SV2B: variants seen among roughly 807,000 people sequenced by gnomAD.
SV2B encodes the protein solute carrier family 22 member B2.
A neutral mutation model predicts 73.9 loss-of-function variants in SV2B; 41 were observed. That is an observed-to-expected ratio of 0.56 (90% CI 0.43 to 0.72). The LOEUF is 0.72. Among genes scored for constraint, SV2B ranks in the 30% least tolerant of loss-of-function variants. The pLI is 0.00. For missense variants in SV2B, 764 were observed against 857.8 expected, an observed-to-expected ratio of 0.89 and a Z score of 1.37; for synonymous variants, 314 against 314.2, an observed-to-expected ratio of 1.00 and a Z score of 0.01.
chr15:91,254,237 T>C (rs74399150), intron 4 of SV2B, among the ~76,000 whole-genome samples: 18,368 of 113,456 alleles, frequency 0.16, 1,273 homozygotes, highest in Middle Eastern at 0.19. Flanking sequence ...TTCACTTCTT[T>C]TTTTTTTTTT....
chr15:91,196,295 C>T (rs1286788919), intron 1 of SV2B, among the ~76,000 whole-genome samples: 2 of 152,184 alleles, frequency 1.3e-5, no homozygotes, highest in African/African-American at 4.8e-5. Context: ...GAGAGGGGCT[C>T]ATGTCTACAC....
In SV2B at chr15:91,187,119, G is replaced by C. The variant is rs147889430; in HGVS notation, c.-391-38754G>C. Among the ~76,000 whole-genome samples the C allele has an allele frequency of 2.0e-5, 3 of 152,242 alleles. No homozygotes were observed. In the East Asian group the frequency reaches 5.8e-4, roughly 29 times the overall value. ...AAACCGGCAGGCAGTAACATTTCAC[G>C]GGTGTTCATTCCTGGATGTGTGAAC... On this transcript the variant is annotated intron_variant, in intron 1 of 12. Transcript: ENST00000394232.
At position 91,288,791 on chromosome 15, in the gene SV2B, C is replaced by T. The variant is rs990036910; in HGVS notation, c.1709-730C>T. ...CTCCCAGCTTCAAATAATTCTCGTG[C>T]CTCAGCCTCCCAAGTAGCTGGGATT... On this transcript the variant is annotated intron_variant, in intron 11 of 12. Coordinates refer to ENST00000394232, the MANE Select transcript of SV2B (RefSeq NM_001323032.3). This position sits in a 1 kb window ranked among gnomAD's most constrained non-coding sequence, Gnocchi z 5.8. 6.6e-6 allele frequency among the ~76,000 whole-genome samples: 1 copy of T among 152,104 alleles called. No individual in the cohort carries two copies. The highest frequency in any genetic ancestry group is 2.4e-5 in the African/African-American group (1 of 41,388).
rs976009735 is a variant in SV2B at position 91,229,509 on chromosome 15, C to T, written c.451+2795C>T. Among the ~76,000 whole-genome samples, 1 of 152,100 alleles carries T rather than the reference C, an allele frequency of 6.6e-6. No individual in the cohort carries two copies. The highest frequency in any genetic ancestry group is 1.5e-5 in the Non-Finnish European group (1 of 68,012). Reference sequence around the variant, plus strand: ...ATGACGAAGCAACGTGGCCCTGGAGCCAGTTGCTTGGATTTGAATCCTTGC... The same window carrying T: ...ATGACGAAGCAACGTGGCCCTGGAGTCAGTTGCTTGGATTTGAATCCTTGC... On this transcript the variant is annotated intron_variant, in intron 2 of 12. Coordinates refer to ENST00000394232, the MANE Select transcript of SV2B (RefSeq NM_001323032.3). This position sits in a 1 kb window ranked among gnomAD's most constrained non-coding sequence, Gnocchi z 4.3.
chr15:91,120,811 C>CAAAAAAA (rs756474473), intron 1 of SV2B, among the ~76,000 whole-genome samples: 20 of 97,230 alleles, frequency 2.1e-4, no homozygotes, highest in South Asian at 3.6e-4. Flanking sequence ...GAACCTGTCT[C>CAAAAAAA]AAAAAAAAAA....
intron 1 of SV2B, among the ~76,000 whole-genome samples, chr15:91,114,183 CAAAAAAAAAAAAAAA>C (rs11372573): frequency 3.6e-5 from 2 of 55,962 alleles, no homozygotes; most frequent in East Asian, 2.4e-3. Context: ...GACTCCATCT[CAAAAAAAAAAAAAAA>C]AAAAAAAAAA....
At chr15:91,127,389 TC>T (rs2042516092) in intron 1 of SV2B, among the ~76,000 whole-genome samples, 1 of 151,830 alleles carries the variant, frequency 6.6e-6, no homozygotes, top group Admixed American at 6.6e-5. Flanking sequence ...GTGTGGCTGT[TC>T]CAGAACAAGC....
Position 91,258,627 on chromosome 15 carries a change from C to G in SV2B, c.918+73C>G. The G allele has an allele frequency of 1.0e-5, 16 of 1,600,380 alleles. No individual in the cohort carries two copies. The highest frequency in any genetic ancestry group is 1.3e-5 in the Non-Finnish European group (15 of 1,172,850). ...GGAACCCAGCCTCGCTTCCTTCTCTCAGCTCCTAGTCCCACATCCTCTGCT... is the reference window on the plus strand; with the variant it reads ...GGAACCCAGCCTCGCTTCCTTCTCTGAGCTCCTAGTCCCACATCCTCTGCT... On this transcript the variant is annotated intron_variant, in intron 5 of 12. Coordinates refer to ENST00000394232, the MANE Select transcript of SV2B (RefSeq NM_001323032.3). The surrounding 1 kb of genome is among the most constrained non-coding windows in gnomAD (Gnocchi z 4.7).
chr15:91,124,230 C>T lies in SV2B; in HGVS notation c.-392+23867C>T, dbSNP rs368543344. ...CAGCCTCAGGGCCCATCTGTTCATG[C>T]TATTTATTCCCTCGGGGAAGTCACG... On this transcript the variant is annotated intron_variant, in intron 1 of 12. Transcript: ENST00000394232. This position sits in a 1 kb window ranked among gnomAD's most constrained non-coding sequence, Gnocchi z 4.6. 5.9e-5 allele frequency among the ~76,000 whole-genome samples: 9 copies of T among 152,294 alleles called. No homozygotes were observed. Among genetic ancestry groups the T allele is most frequent in the African/African-American group, 2.2e-4 (9 of 41,552 alleles).
chr15:91,123,272 T>C lies in SV2B; in HGVS notation c.-392+22909T>C, dbSNP rs1399555644. On this transcript the variant is annotated intron_variant, in intron 1 of 12. Coordinates refer to ENST00000394232, the MANE Select transcript of SV2B (RefSeq NM_001323032.3). This position sits in a 1 kb window ranked among gnomAD's most constrained non-coding sequence, Gnocchi z 4.7. ...AGCCTGGTAACAGAGCAAGACCTTG[T>C]CTCAAAAACAAAAAATTGCAAAGGG... Among the ~76,000 whole-genome samples the C allele has an allele frequency of 6.6e-6, 1 of 152,146 alleles. No homozygotes were observed. The highest frequency in any genetic ancestry group is 1.9e-4 in the East Asian group (1 of 5,202).
chr15:91,181,801 T>C (rs952888943), intron 1 of SV2B, among the ~76,000 whole-genome samples: 1 of 151,390 alleles, frequency 6.6e-6, no homozygotes, highest in Non-Finnish European at 1.5e-5. Context: ...TGAATCTGTA[T>C]TGGGGGTATT....
chr15:91,161,033 C>T (rs892836592), intron 1 of SV2B, among the ~76,000 whole-genome samples: 8 of 152,006 alleles, frequency 5.3e-5, no homozygotes, highest in South Asian at 2.1e-4. Flanking sequence ...TCAAAACATA[C>T]GCTAAATGAA....
intron 1 of SV2B, among the ~76,000 whole-genome samples, chr15:91,162,442 T>C (rs959691997): frequency 6.6e-5 from 10 of 152,262 alleles, no homozygotes; most frequent in Admixed American, 5.2e-4. Context: ...CTTATTTTCA[T>C]TGGCTTGGAA....
chr15:91,132,800 AC>A lies in SV2B; in HGVS notation c.-392+32438del, dbSNP rs2042696036. Among the ~76,000 whole-genome samples, 1 of 152,086 alleles carries A rather than the reference AC, an allele frequency of 6.6e-6. No homozygotes were observed. The highest frequency in any genetic ancestry group is 2.1e-4 in the South Asian group (1 of 4,824). Reference sequence around the variant, plus strand: ...GGCTGCAGTGAGCTATAGTCGCACCACTGCACTCCAGCCTGGGCAACAGAGT... The same window carrying A: ...GGCTGCAGTGAGCTATAGTCGCACCATGCACTCCAGCCTGGGCAACAGAGT... On this transcript the variant is annotated intron_variant, in intron 1 of 12. Transcript: ENST00000394232. The surrounding 1 kb of genome is among the most constrained non-coding windows in gnomAD (Gnocchi z 4.6).
chr15:91,214,214 C>T lies in SV2B; in HGVS notation c.-391-11659C>T, dbSNP rs7174866. On this transcript the variant is annotated intron_variant, in intron 1 of 12. Transcript: ENST00000394232. The surrounding 1 kb of genome is among the most constrained non-coding windows in gnomAD (Gnocchi z 4.7). ...TGACCCCAACCTGGGGATGAGGATT[C>T]AGGGCAGGGTTCCAGCAGAGTGGAA... Among the ~76,000 whole-genome samples, 66 of 152,190 alleles carry T rather than the reference C, an allele frequency of 4.3e-4. 1 individual carries two copies. Among genetic ancestry groups the T allele is most frequent in the African/African-American group, 1.5e-3 (63 of 41,510 alleles).
At position 91,231,616 on chromosome 15, in the gene SV2B, T is replaced by C. The variant is rs955718461; in HGVS notation, c.451+4902T>C. Among the ~76,000 whole-genome samples, 5 of 152,178 alleles carry C rather than the reference T, an allele frequency of 3.3e-5. No individual in the cohort carries two copies. Among genetic ancestry groups the C allele is most frequent in the Admixed American group, 1.3e-4 (2 of 15,286 alleles). On this transcript the variant is annotated intron_variant, in intron 2 of 12. Transcript: ENST00000394232. This position sits in a 1 kb window ranked among gnomAD's most constrained non-coding sequence, Gnocchi z 4.5. ...TCCTTTTCTGCCTGCATTTGATAAATTGACACCAATTTTTCACAACTGCAA... is the reference window on the plus strand; with the variant it reads ...TCCTTTTCTGCCTGCATTTGATAAACTGACACCAATTTTTCACAACTGCAA...
At chr15:91,133,904 A>T (rs982706097) in intron 1 of SV2B, among the ~76,000 whole-genome samples, 1 of 151,940 alleles carries the variant, frequency 6.6e-6, no homozygotes, top group African/African-American at 2.4e-5. Flanking sequence ...AAACGTCCAC[A>T]TGCACATGAG....
chr15:91,202,671 T>C (rs1310203911), intron 1 of SV2B, among the ~76,000 whole-genome samples: 1 of 152,140 alleles, frequency 6.6e-6, no homozygotes, highest in Non-Finnish European at 1.5e-5. Flanking sequence ...GCTCTGGGGA[T>C]CAACACCTGT....
At chr15:91,126,702 T>C (rs1412510152) in intron 1 of SV2B, among the ~76,000 whole-genome samples, 1 of 152,240 alleles carries the variant, frequency 6.6e-6, no homozygotes, top group East Asian at 1.9e-4. Flanking sequence ...TCTGGTTTAA[T>C]GTTTAAAAGT....
Sources: allele counts gnomAD v4.1 joint callset (sites outside exome capture counted in the v4.1 genomes callset), GRCh38; gene constraint gnomAD v4.1.1; non-coding constraint Gnocchi (gnomAD v3.1); transcripts MANE v1.5; gene names NCBI Gene and HGNC (gene_info 2026-07-23, HGNC 2026-07-21).